Variants in HDAC4 observed in about 807,000 individuals in gnomAD.
The protein encoded by HDAC4 is histone deacetylase A.
A neutral mutation model predicts 135.1 loss-of-function variants in HDAC4; 16 were observed. That is an observed-to-expected ratio of 0.12 (90% CI 0.08 to 0.18). The LOEUF (loss-of-function observed/expected upper bound fraction) is 0.18, where lower values mean the gene tolerates loss of function less well. HDAC4 is among the 10% of genes least tolerant of loss of function. The probability of loss-of-function intolerance (pLI) is 1.00; values close to 1 mark genes in which losing one functional copy is unlikely to be tolerated. For synonymous variants in HDAC4, 685 were observed against 653.4 expected (o/e 1.05, Z -0.74); for missense variants, 1,143 against 1,511.8 (o/e 0.76, Z 4.05).
chr2:239,286,262 TAA>T (rs969346133), intron 2 of HDAC4, among the ~76,000 whole-genome samples: 15 of 152,248 alleles, frequency 9.9e-5, no homozygotes, highest in African/African-American at 3.6e-4. Context: ...TCAAAAATAA[TAA>T]GTGTAATTGA....
intron 2 of HDAC4, among the ~76,000 whole-genome samples, chr2:239,278,413 C>A (rs917591204): frequency 6.6e-6 from 1 of 152,174 alleles, no homozygotes; most frequent in African/African-American, 2.4e-5. Context: ...CAAGGGCTCA[C>A]GCCTATAATC....
At chr2:239,336,010 T>C (rs563334118) in intron 2 of HDAC4, among the ~76,000 whole-genome samples, 1 of 152,324 alleles carries the variant, frequency 6.6e-6, no homozygotes, top group Non-Finnish European at 1.5e-5. Context: ...AATAAATAAT[T>C]TGTGATATGT....
At chr2:239,114,835 C>T (rs554116784) in intron 13 of HDAC4, among the ~76,000 whole-genome samples, 1 of 152,284 alleles carries the variant, frequency 6.6e-6, no homozygotes, top group South Asian at 2.1e-4. Context: ...TACGTAACCA[C>T]CCACAGGGGG....
At chr2:239,249,626 T>C (rs952259489) in intron 2 of HDAC4, among the ~76,000 whole-genome samples, 6 of 152,168 alleles carry the variant, frequency 3.9e-5, no homozygotes, top group African/African-American at 1.4e-4. Context: ...TGTCAATGGT[T>C]CAAAATTCAA....
intron 22 of HDAC4, among the ~76,000 whole-genome samples, chr2:239,074,110 G>GGAGCAGCAGGACTGA (rs2034497367): frequency 6.6e-6 from 1 of 152,156 alleles, no homozygotes. Flanking sequence ...AGGACTGAGG[G>GGAGCAGCAGGACTGA]GGCCGCCCTC....
rs2039069572 is a variant in HDAC4, at chr2:239,115,728, AC to A, written c.1534-419del. Among the ~76,000 whole-genome samples the A allele has an allele frequency of 6.6e-6, 1 of 151,896 alleles. No homozygotes were observed. Among genetic ancestry groups the A allele is most frequent in the South Asian group, 2.1e-4 (1 of 4,808 alleles). ...TGCTAAGAGAAACAGCCCACCACCC[AC>A]TCAGCGGAAGACAACCACGTCCACA... On this transcript the variant is annotated intron_variant, in intron 12 of 26. Coordinates refer to ENST00000543185, the MANE Select transcript of HDAC4 (RefSeq NM_001378414.1). The surrounding 1 kb of genome is among the most constrained non-coding windows in gnomAD (Gnocchi z 6.3).
At chr2:239,055,830 G>C (rs1051360481) in intron 24 of HDAC4, among the ~76,000 whole-genome samples, 1 of 152,214 alleles carries the variant, frequency 6.6e-6, no homozygotes, top group African/African-American at 2.4e-5. Context: ...TGCTGGGTCT[G>C]GAACAAAGCT....
At chr2:239,318,274 C>T (rs1021326234) in intron 2 of HDAC4, among the ~76,000 whole-genome samples, 1 of 152,222 alleles carries the variant, frequency 6.6e-6, no homozygotes, top group Admixed American at 6.5e-5. Flanking sequence ...CGAAATACTG[C>T]GGTGGCCGCC....
intron 3 of HDAC4, among the ~76,000 whole-genome samples, chr2:239,206,394 G>GCGCA (rs1553557931): frequency 6.7e-6 from 1 of 148,764 alleles, no homozygotes; most frequent in Non-Finnish European, 1.5e-5. Context: ...ACACATACGT[G>GCGCA]CACACACACA....
chr2:239,114,821 CA>C (rs1011106642), intron 13 of HDAC4, among the ~76,000 whole-genome samples: 8 of 152,170 alleles, frequency 5.3e-5, no homozygotes, highest in Non-Finnish European at 1.0e-4. Context: ...GGCTGGAAAG[CA>C]GTTACGTAAC....
At chr2:239,122,298 T>A (rs2039762271) in intron 12 of HDAC4, among the ~76,000 whole-genome samples, 1 of 152,204 alleles carries the variant, frequency 6.6e-6, no homozygotes, top group African/African-American at 2.4e-5. Context: ...CTTCTTGCTG[T>A]AGGGGTGGAG....
chr2:239,357,964 G>A (rs1693618291), intron 1 of HDAC4, among the ~76,000 whole-genome samples: 2 of 150,494 alleles, frequency 1.3e-5, no homozygotes, highest in South Asian at 2.1e-4. Context: ...AAAGGACAAT[G>A]GGGAATATTA....
At chr2:239,229,826 T>A (rs1408648962) in intron 3 of HDAC4, among the ~76,000 whole-genome samples, 2 of 152,174 alleles carry the variant, frequency 1.3e-5, no homozygotes, top group Non-Finnish European at 2.9e-5. Context: ...GAATAGATGG[T>A]AAATGTCTCC....
At chr2:239,192,791 C>G (rs2045087165) in intron 3 of HDAC4, among the ~76,000 whole-genome samples, 1 of 152,194 alleles carries the variant, frequency 6.6e-6, no homozygotes, top group Admixed American at 6.5e-5. Context: ...GGGATAAACA[C>G]AACTTTGTTC....
rs186362839 is a variant in HDAC4 at position 239,262,111 on chromosome 2, G to A, written c.23-25447C>T. Among the ~76,000 whole-genome samples, 216 of 152,258 alleles carry A rather than the reference G, an allele frequency of 1.4e-3. No homozygotes were observed. Among genetic ancestry groups the A allele is most frequent in the African/African-American group, 5.0e-3 (208 of 41,544 alleles). Reference sequence around the variant, plus strand: ...GGACCCTCCCAACCACGCCAGCGCCGCCTGCAGTGACGCCGGGCCACGCTC... The same window carrying A: ...GGACCCTCCCAACCACGCCAGCGCCACCTGCAGTGACGCCGGGCCACGCTC... On this transcript the variant is annotated intron_variant, in intron 2 of 26. Coordinates refer to ENST00000543185, the MANE Select transcript of HDAC4 (RefSeq NM_001378414.1). The surrounding 1 kb of genome is among the most constrained non-coding windows in gnomAD (Gnocchi z 4.1).
intron 1 of HDAC4, among the ~76,000 whole-genome samples, chr2:239,365,953 C>T (rs1189302683): frequency 1.3e-5 from 2 of 151,678 alleles, no homozygotes; most frequent in Non-Finnish European, 2.9e-5. Flanking sequence ...GTGACATACA[C>T]AGACATGCAT....
intron 16 of HDAC4, among the ~76,000 whole-genome samples, chr2:239,099,301 T>A (rs1208279364): frequency 1.3e-5 from 2 of 152,240 alleles, no homozygotes. Context: ...GCCGCCATTC[T>A]GAAAGGCGTG....
intron 19 of HDAC4, among the ~76,000 whole-genome samples, chr2:239,086,411 C>G (rs1410792829): frequency 1.3e-5 from 2 of 149,806 alleles, no homozygotes; most frequent in Non-Finnish European, 2.9e-5. Context: ...CTCTCACGTA[C>G]AGTCTCCTCC....
chr2:239,204,405 G>A (rs569149434), intron 3 of HDAC4, among the ~76,000 whole-genome samples: 7 of 152,280 alleles, frequency 4.6e-5, no homozygotes, highest in South Asian at 2.1e-4. Flanking sequence ...TCTGTACTGC[G>A]GAGGGTTCGG....
Sources: allele counts gnomAD v4.1 joint callset (sites outside exome capture counted in the v4.1 genomes callset), GRCh38; gene constraint gnomAD v4.1.1; non-coding constraint Gnocchi (gnomAD v3.1); transcripts MANE v1.5; gene names NCBI Gene and HGNC (gene_info 2026-07-23, HGNC 2026-07-21).